PJA2: variants seen among roughly 807,000 people sequenced by gnomAD.
PJA2 encodes E3 ubiquitin-protein ligase Praja-2.
Under a neutral mutation model 69.3 loss-of-function variants are expected in PJA2, and 25 were observed. The ratio of observed to expected loss-of-function variants is 0.36; its 90% CI spans 0.26 to 0.50. PJA2 has a LOEUF of 0.50. Ranked by LOEUF, PJA2 falls within the 20% of genes least tolerant of loss-of-function variation. The pLI is 0.96. For missense variants in PJA2, 809 were observed against 830.2 expected (o/e 0.97, Z 0.31); for synonymous variants, 308 against 277.8 (o/e 1.11, Z -1.08).
chr5:109,355,392 T>G (rs1762397344), intron 7 of PJA2, among the ~76,000 whole-genome samples: 1 of 152,100 alleles, frequency 6.6e-6, no homozygotes, highest in Non-Finnish European at 1.5e-5. Context: ...TAAGAACAGG[T>G]TTTTCTGTTT....
intron 2 of PJA2, 43 bp downstream of exon 2, chr5:109,383,360 A>C: frequency 6.3e-7 from 1 of 1,595,508 alleles, no homozygotes; most frequent in Non-Finnish European, 8.6e-7. Flanking sequence ...ACCCAGAGGA[A>C]AAAACAAGAA....
chr5:109,394,143 G>A (rs1316304232), intron 1 of PJA2, among the ~76,000 whole-genome samples: 1 of 150,290 alleles, frequency 6.7e-6, no homozygotes, highest in Non-Finnish European at 1.5e-5. Context: ...CGCCTCCTGG[G>A]TTTAAGCAAA....
chr5:109,404,148 G>A (rs1747627137), intron 1 of PJA2, among the ~76,000 whole-genome samples: 1 of 151,976 alleles, frequency 6.6e-6, no homozygotes, highest in Non-Finnish European at 1.5e-5. Flanking sequence ...TCCTCAATAT[G>A]ATAAAAGGCC....
intron 7 of PJA2, 31 bp downstream of exon 7, chr5:109,355,884 T>C (rs1400294808): frequency 9.6e-6 from 14 of 1,459,184 alleles, no homozygotes; most frequent in Non-Finnish European, 1.2e-5. Context: ...TCCCATCAAC[T>C]TATATATGGA....
At chr5:109,356,464 G>A (rs1762414494) in intron 6 of PJA2, among the ~76,000 whole-genome samples, 1 of 151,952 alleles carries the variant, frequency 6.6e-6, no homozygotes, top group Non-Finnish European at 1.5e-5. Flanking sequence ...TTCAAATTTG[G>A]GATGCTCAAC....
chr5:109,345,505 C>G (rs1186269067), intron 7 of PJA2, among the ~76,000 whole-genome samples: 2 of 114,422 alleles, frequency 1.7e-5, no homozygotes, highest in Non-Finnish European at 3.5e-5. Context: ...CAGAGCGAGA[C>G]TCTGTCTCAA....
chr5:109,407,295 T>G (rs937899096), intron 1 of PJA2, among the ~76,000 whole-genome samples: 3 of 151,442 alleles, frequency 2.0e-5, no homozygotes, highest in Non-Finnish European at 4.4e-5. Context: ...TATACCCACC[T>G]CAAAAGATGT....
chr5:109,346,993 T>C (rs1486007523), intron 7 of PJA2, among the ~76,000 whole-genome samples: 4 of 152,194 alleles, frequency 2.6e-5, no homozygotes, highest in Non-Finnish European at 4.4e-5. Context: ...GGTCCTACCA[T>C]AGATATTCCC....
chr5:109,378,590 G>A lies in PJA2; in HGVS notation c.897C>T (p.Thr299=). Residue 299 remains threonine, a synonymous_variant, in exon 4 of 10, where the codon ACC becomes ACT. Coordinates refer to ENST00000361189, the MANE Select transcript of PJA2 (RefSeq NM_014819.5). The stretch of plus-strand genomic sequence containing the variant: ...TTCCATGGTTCTTTTCCCTATCATT[G>A]GTATTTTGTTCACTACAAATATGCC... ...GPGHICSEQN[T]NDREKNHGSS... 6.2e-7 allele frequency: 1 copy of A among 1,614,050 alleles called. No homozygotes were observed. The highest frequency in any genetic ancestry group is 1.1e-5 in the South Asian group (1 of 91,072).
chr5:109,356,127 A>C, intron 6 of PJA2, 101 bp from the exon 7 acceptor site: 1 of 767,822 alleles, frequency 1.3e-6, no homozygotes. Context: ...GCCGATAAAC[A>C]TGCTGTGAAC....
Position 109,381,542 on chromosome 5 carries a change from C to A in PJA2, c.193G>T (p.Val65Leu), listed in dbSNP as rs1344082182. ...SLGRAGDDYE[V>L]LELDDVPKEN... ...TTTGGAACATCATCTAGTTCCAACA[C>A]TTCATAGTCATCACCAGCCCGACCT... The change falls in exon 3 of 10, where the codon GTG (valine) becomes TTG (leucine). Residue 65 changes from valine (V) to leucine (L), a missense_variant. By Grantham distance (32) the Val-to-Leu change is conservative. Around this residue, in one of 4 missense-constraint regions of PJA2, gnomAD observed 700 missense variants for 639.5 expected, o/e 1.09. Coordinates refer to ENST00000361189, the MANE Select transcript of PJA2 (RefSeq NM_014819.5). 3 of 1,614,030 alleles carry A rather than the reference C, an allele frequency of 1.9e-6. No individual in the cohort carries two copies. The highest frequency in any genetic ancestry group is 2.2e-5 in the South Asian group (2 of 91,078).
At chr5:109,345,263 G>A (rs1762154368) in intron 7 of PJA2, among the ~76,000 whole-genome samples, 1 of 151,540 alleles carries the variant, frequency 6.6e-6, no homozygotes, top group African/African-American at 2.4e-5. Context: ...GGCTGAGGCA[G>A]GAGAATTGCT....
intron 6 of PJA2, among the ~76,000 whole-genome samples, chr5:109,360,753 A>G (rs1345738266): frequency 6.6e-6 from 1 of 152,204 alleles, no homozygotes; most frequent in Non-Finnish European, 1.5e-5. Context: ...AGGTTTCTAA[A>G]ACCTTAACAC....
chr5:109,392,075 T>G (rs963151004), intron 1 of PJA2, among the ~76,000 whole-genome samples: 7 of 152,254 alleles, frequency 4.6e-5, no homozygotes, highest in African/African-American at 7.2e-5. Flanking sequence ...GGCATTTTTT[T>G]GGGGGAAAAT....
Position 109,386,843 on chromosome 5 carries a change from G to A in PJA2, c.-87-3323C>T, listed in dbSNP as rs187815378. 1.8e-4 allele frequency among the ~76,000 whole-genome samples: 26 copies of A among 142,380 alleles called. No homozygotes were observed. In the East Asian group the frequency reaches 5.0e-3, roughly 28 times the overall value. The allele number at this position is 142,380 out of a possible 152,430, so 93.4% of individuals were successfully genotyped here. A position where few individuals can be genotyped will look rare whatever the true frequency, so the allele number is the denominator to read the frequency against. On this transcript the variant is annotated intron_variant, in intron 1 of 9. Coordinates refer to ENST00000361189, the MANE Select transcript of PJA2 (RefSeq NM_014819.5). The stretch of plus-strand genomic sequence containing the variant: ...TCTACCTATTTATCCTCATTTTGTA[G>A]AAACACCAAATTTTTCTGTCTGGAA...
intron 3 of PJA2, among the ~76,000 whole-genome samples, chr5:109,380,306 ATGTCT>A (rs1393523433): frequency 6.6e-6 from 1 of 152,032 alleles, no homozygotes; most frequent in Admixed American, 6.5e-5. Context: ...TAATCTAGAA[ATGTCT>A]TGTCAAGTTT....
rs996474602 is a variant in PJA2, at chr5:109,367,162, A to C, written c.1469+1399T>G. Among the ~76,000 whole-genome samples, 6 of 148,258 alleles carry C rather than the reference A, an allele frequency of 4.0e-5. No homozygotes were observed. In the East Asian group the frequency reaches 7.8e-4, roughly 19 times the overall value. On this transcript the variant is annotated intron_variant, in intron 5 of 9. Coordinates refer to ENST00000361189, the MANE Select transcript of PJA2 (RefSeq NM_014819.5). ...AAAAAAAATATATATATATATATAT[A>C]TATCTATGATGTATATTTATGATAT...
intron 4 of PJA2, among the ~76,000 whole-genome samples, chr5:109,369,434 A>G (rs113692772): frequency 6.5e-4 from 99 of 152,338 alleles, no homozygotes; most frequent in African/African-American, 2.0e-3. Context: ...GGGGCTTGTC[A>G]TATTTTAGAC....
rs957893079 is a variant in PJA2, at chr5:109,399,729, C to T, written c.-88+10113G>A. Among the ~76,000 whole-genome samples, 4 of 152,068 alleles carry T rather than the reference C, an allele frequency of 2.6e-5. No homozygotes were observed. The South Asian group carries it at 8.3e-4, about 32-fold the overall frequency. ...AGTCAAAAATTACAAGACAAAAAAGCTGAGGAGGAAAAAACCCTCTTTATC... is the reference window on the plus strand; with the variant it reads ...AGTCAAAAATTACAAGACAAAAAAGTTGAGGAGGAAAAAACCCTCTTTATC... On this transcript the variant is annotated intron_variant, in intron 1 of 9. Coordinates refer to ENST00000361189, the MANE Select transcript of PJA2 (RefSeq NM_014819.5).
Sources: gnomAD v4.1 joint callset for allele counts (sites outside exome capture counted in the v4.1 genomes callset) on GRCh38, gnomAD v4.1.1 for gene constraint, gnomAD v4.1.1 regional missense constraint, MANE v1.5 for transcripts, NCBI Gene and HGNC (gene_info 2026-07-23, HGNC 2026-07-21) for gene names.